Variants in AP3D1 observed in about 807,000 individuals in gnomAD.
The protein encoded by AP3D1 is adaptor related protein complex 3 subunit delta 1, also known as AP-3 complex subunit delta-1.
A neutral mutation model predicts 147.6 loss-of-function variants in AP3D1; 51 were observed. The observed-to-expected ratio is 0.35, with a 90% CI of 0.28 to 0.44. The LOEUF (loss-of-function observed/expected upper bound fraction) is 0.44, where lower values mean the gene tolerates loss of function less well. AP3D1 is among the 20% of genes least tolerant of loss of function. The pLI, the probability that AP3D1 is intolerant of heterozygous loss-of-function variation, is 1.00. For synonymous variants in AP3D1, 760 were observed against 663.0 expected (o/e 1.15, Z -2.25); for missense variants, 1,421 against 1,624.2 (o/e 0.87, Z 2.15).
chr19:2,150,738 C>T (rs1404627231), intron 1 of AP3D1, among the ~76,000 whole-genome samples: 1 of 152,236 alleles, frequency 6.6e-6, no homozygotes, highest in African/African-American at 2.4e-5. Flanking sequence ...CCCAGGACCC[C>T]CTGCCTCGGT....
At chr19:2,129,957 G>A (rs776032430) in intron 6 of AP3D1, among the ~76,000 whole-genome samples, 3 of 152,306 alleles carry the variant, frequency 2.0e-5, no homozygotes, top group South Asian at 2.1e-4. Flanking sequence ...CCTGCCACAC[G>A]CCAGAGGCTT....
At chr19:2,144,027 G>T (rs2019293229) in intron 1 of AP3D1, among the ~76,000 whole-genome samples, 1 of 151,184 alleles carries the variant, frequency 6.6e-6, no homozygotes, top group South Asian at 2.1e-4. Context: ...CAGACGTTGC[G>T]GTGAGCCGAG....
At chr19:2,128,373 G>A (rs1042620194) in intron 8 of AP3D1, among the ~76,000 whole-genome samples, 5 of 152,098 alleles carry the variant, frequency 3.3e-5, no homozygotes, top group African/African-American at 7.2e-5. Flanking sequence ...AGGACGGACA[G>A]TCATCTTTCA....
intron 26 of AP3D1, 113 bp from the exon 27 acceptor site, chr19:2,111,009 G>T: frequency 8.1e-7 from 1 of 1,227,020 alleles, no homozygotes; most frequent in Non-Finnish European, 1.1e-6. Flanking sequence ...GGCACAGGAA[G>T]GCACGGAGAG....
upstream of AP3D1, among the ~76,000 whole-genome samples, chr19:2,155,954 G>A (rs1051041394): frequency 2.6e-5 from 4 of 151,608 alleles, no homozygotes; most frequent in Admixed American, 6.6e-5. Context: ...TCGGGAGGCT[G>A]AGGCAGGAGA....
chr19:2,111,521 T>C, intron 25 of AP3D1, 158 bp downstream of exon 25: 1 of 1,227,438 alleles, frequency 8.1e-7, no homozygotes, highest in Non-Finnish European at 1.1e-6. Flanking sequence ...GTGCCTAATG[T>C]GGGGCTGCGG....
At chr19:2,163,812 G>C (rs1280527913) in intron 1 of AP3D1, among the ~76,000 whole-genome samples, 1 of 150,856 alleles carries the variant, frequency 6.6e-6, no homozygotes, top group Non-Finnish European at 1.5e-5. Context: ...GAGTCCACGG[G>C]GCGGGGCGCC....
At chr19:2,155,544 A>G (rs1397966022), upstream of AP3D1, among the ~76,000 whole-genome samples, 1 of 150,832 alleles carries the variant, frequency 6.6e-6, no homozygotes, top group African/African-American at 2.4e-5. Flanking sequence ...AAAAAAAAAA[A>G]AAAAAAAAAA....
At chr19:2,142,755 GTTT>G (rs11311779) in intron 1 of AP3D1, among the ~76,000 whole-genome samples, 1 of 145,584 alleles carries the variant, frequency 6.9e-6, no homozygotes, top group African/African-American at 2.5e-5. Context: ...GGTTTTTTCT[GTTT>G]TTTTTTTTTC....
chr19:2,103,145 A>G (rs2018006414), intron 31 of AP3D1, among the ~76,000 whole-genome samples: 1 of 149,804 alleles, frequency 6.7e-6, no homozygotes, highest in Non-Finnish European at 1.5e-5. Flanking sequence ...AAAAACAAAC[A>G]AAAAAACACT....
intron 2 of AP3D1, 40 bp downstream of exon 2, chr19:2,138,579 G>A (rs960711183): frequency 1.4e-6 from 2 of 1,479,364 alleles, no homozygotes; most frequent in African/African-American, 1.4e-5. Context: ...TGGAGAAGCA[G>A]CCCGACAGTG....
At chr19:2,143,303 C>T (rs1275274909) in intron 1 of AP3D1, among the ~76,000 whole-genome samples, 1 of 136,098 alleles carries the variant, frequency 7.3e-6, no homozygotes, top group African/African-American at 2.8e-5. Flanking sequence ...TGCAGCAGCG[C>T]GATCTCAGCT....
At chr19:2,140,180 A>T (rs77221861) in intron 1 of AP3D1, among the ~76,000 whole-genome samples, 6,250 of 152,024 alleles carry the variant, frequency 0.041, 423 homozygotes, top group African/African-American at 0.14. Flanking sequence ...GAACAAAAAG[A>T]CCATCCCAGG....
rs201127154 is a variant in AP3D1, at chr19:2,111,804, T to G, written c.2812A>C (p.Lys938Gln). 742 of 1,613,884 alleles carry G rather than the reference T, an allele frequency of 4.6e-4. 6 individuals are homozygous for G. Among genetic ancestry groups the G allele is most frequent in the South Asian group, 2.8e-3 (259 of 91,072 alleles). ...CGCTCCTCCTTCTCCTTCCTGTGCTTCTTCTTCTTAGGCTTGGGAGATTTC... is the reference window on the plus strand; with the variant it reads ...CGCTCCTCCTTCTCCTTCCTGTGCTGCTTCTTCTTAGGCTTGGGAGATTTC... ...DKKSPKPKKKKHRKEKEERTK... is the reference protein window; with the variant it reads ...DKKSPKPKKKQHRKEKEERTK... The change falls in exon 25 of 32, where the codon AAG becomes CAG. Residue 938 changes from lysine (K) to glutamine (Q), a missense_variant. Lys to Gln is a moderately conservative substitution (Grantham distance 53, BLOSUM62 1). Around this residue, in one of 6 missense-constraint regions of AP3D1, gnomAD observed 791 missense variants for 761.4 expected, o/e 1.04. Coordinates refer to ENST00000643116, the MANE Select transcript of AP3D1 (RefSeq NM_001261826.3).
chr19:2,145,105 C>A (rs557714830), intron 1 of AP3D1, among the ~76,000 whole-genome samples: 1 of 152,222 alleles, frequency 6.6e-6, no homozygotes, highest in South Asian at 2.1e-4. Context: ...TATATCTCAA[C>A]TGTTCAAAGA....
chr19:2,162,553 C>T (rs1014287784), intron 1 of AP3D1, among the ~76,000 whole-genome samples: 5 of 151,142 alleles, frequency 3.3e-5, no homozygotes, highest in African/African-American at 4.9e-5. Flanking sequence ...CCCAGCTACT[C>T]GGGAGGCTGA....
chr19:2,148,340 C>A (rs2019417086), intron 1 of AP3D1, among the ~76,000 whole-genome samples: 1 of 152,120 alleles, frequency 6.6e-6, no homozygotes, highest in South Asian at 2.1e-4. Context: ...TTTTTGGACT[C>A]ATCTTAATAG....
chr19:2,103,283 G>A (rs1317711955), intron 31 of AP3D1, among the ~76,000 whole-genome samples: 1 of 152,166 alleles, frequency 6.6e-6, no homozygotes, highest in East Asian at 1.9e-4. Context: ...TCTCCCGTGG[G>A]AGGGGCTCCA....
chr19:2,149,007 A>G (rs773221771), intron 1 of AP3D1, among the ~76,000 whole-genome samples: 1 of 152,078 alleles, frequency 6.6e-6, no homozygotes, highest in Non-Finnish European at 1.5e-5. Flanking sequence ...TGCTGGAGGT[A>G]CAACTAGAAC....
Sources: gnomAD v4.1 joint callset for allele counts (sites outside exome capture counted in the v4.1 genomes callset) on GRCh38, gnomAD v4.1.1 for gene constraint, gnomAD v4.1.1 regional missense constraint, MANE v1.5 for transcripts, NCBI Gene and HGNC (gene_info 2026-07-23, HGNC 2026-07-21) for gene names.